Variants in HMCN1 observed in about 807,000 individuals in gnomAD.
The protein encoded by HMCN1 is hemicentin 1.
In HMCN1, 321 loss-of-function variants were observed where a neutral mutation model predicts 625.9. The observed-to-expected ratio is 0.51, with a 90% CI of 0.47 to 0.56. The LOEUF (loss-of-function observed/expected upper bound fraction) is 0.56. Among genes scored for constraint, HMCN1 ranks in the 20% least tolerant of loss-of-function variants. The pLI, the probability that HMCN1 is intolerant of heterozygous loss-of-function variation, is 0.00. For missense variants in HMCN1, 6,588 were observed against 6,887.3 expected (o/e 0.96, Z 1.54); for synonymous variants, 2,425 against 2,417.6 (o/e 1.00, Z -0.09).
chr1:185,916,049 T>A (rs1666681752), intron 6 of HMCN1, among the ~76,000 whole-genome samples: 1 of 149,290 alleles, frequency 6.7e-6, no homozygotes, highest in Non-Finnish European at 1.5e-5. Flanking sequence ...TATATGTGTG[T>A]GCATATGCGT....
chr1:185,847,408 T>G (rs1462681406), intron 2 of HMCN1, among the ~76,000 whole-genome samples: 1 of 152,182 alleles, frequency 6.6e-6, no homozygotes, highest in Admixed American at 6.6e-5. Context: ...ATTCCAAATC[T>G]TATTCACTCT....
intron 34 of HMCN1, among the ~76,000 whole-genome samples, chr1:186,018,622 G>A (rs1363306662): frequency 6.6e-6 from 1 of 151,980 alleles, no homozygotes; most frequent in Non-Finnish European, 1.5e-5. Context: ...GAATTTAAAC[G>A]TTAGGAAGTG....
intron 10 of HMCN1, 23 bp from the exon 11 acceptor site, chr1:185,933,526 T>G: frequency 1.9e-6 from 3 of 1,613,598 alleles, no homozygotes; most frequent in Non-Finnish European, 2.5e-6. Flanking sequence ...GTCTCTTGAT[T>G]TGAATTTTTT....
Position 186,081,282 on chromosome 1 carries a change from T to G in HMCN1, c.8675T>G (p.Ile2892Arg), listed in dbSNP as rs1484666446. ...VTVLVNKSAL[I>R]ECLSSGSPAP... is the part of the protein sequence containing the mutation. ...GTGCTGGTGAACAAGAGTGCACTGA[T>G]AGAGTGTTTATCCAGTGGCAGCCCA... The change falls in exon 56 of 107, where the codon ATA (isoleucine) becomes AGA (arginine). Residue 2892 changes from isoleucine to arginine, a missense_variant. Around this residue, in one of 3 missense-constraint regions of HMCN1, gnomAD observed 4,628 missense variants for 4,853.1 expected, o/e 0.95. Transcript: ENST00000271588. The G allele has an allele frequency of 6.2e-7, 1 of 1,613,136 alleles. No homozygotes were observed. The highest frequency in any genetic ancestry group is 8.5e-7 in the Non-Finnish European group (1 of 1,179,152).
chr1:185,995,152 A>C, intron 24 of HMCN1, 65 bp downstream of exon 24: 1 of 1,413,168 alleles, frequency 7.1e-7, no homozygotes, highest in South Asian at 1.2e-5. Flanking sequence ...CCCTAGAGCT[A>C]AATAGATTAT....
chr1:186,114,257 G>A, intron 73 of HMCN1, 134 bp downstream of exon 73: 1 of 978,954 alleles, frequency 1.0e-6, no homozygotes, highest in Non-Finnish European at 1.6e-6. Context: ...TCAAAATTTA[G>A]TATTTTATTA....
At chr1:185,939,015 A>T (rs1185198631) in intron 11 of HMCN1, among the ~76,000 whole-genome samples, 1 of 152,194 alleles carries the variant, frequency 6.6e-6, no homozygotes, top group South Asian at 2.1e-4. Context: ...TTCAGGAAAA[A>T]TACCAAACAT....
Position 185,977,975 on chromosome 1 carries a change from A to C in HMCN1, c.2560A>C (p.Ile854Leu). 3 of 1,607,898 alleles carry C rather than the reference A, an allele frequency of 1.9e-6. No individual in the cohort carries two copies. The highest frequency in any genetic ancestry group is 1.3e-5 in the African/African-American group (1 of 74,860). ...CCAACTAAGAACAGGAGCTCTCTTTATTTTAAGTAGGTTGAAGGAAATATA... is the reference window on the plus strand; with the variant it reads ...CCAACTAAGAACAGGAGCTCTCTTTCTTTTAAGTAGGTTGAAGGAAATATA... ...ISQLRTGALFILNLWASDKGT... is the reference protein window; with the variant it reads ...ISQLRTGALFLLNLWASDKGT... Residue 854 changes from isoleucine (I) to leucine (L), a missense_variant, in exon 16 of 107, where the codon ATT becomes CTT. Ile to Leu is a conservative substitution (Grantham distance 5). This residue lies in a region of HMCN1 where 4,628 missense variants were observed against 4,853.1 expected (regional missense o/e 0.95). Coordinates refer to ENST00000271588, the MANE Select transcript of HMCN1 (RefSeq NM_031935.3).
intron 1 of HMCN1, among the ~76,000 whole-genome samples, chr1:185,818,425 A>G (rs558870692): frequency 6.6e-6 from 1 of 152,240 alleles, no homozygotes; most frequent in South Asian, 2.1e-4. Flanking sequence ...ATTTGTATGA[A>G]TATTGGTTTC....
intron 49 of HMCN1, 58 bp downstream of exon 49, chr1:186,065,487 T>G: frequency 1.5e-6 from 2 of 1,329,538 alleles, no homozygotes; most frequent in Non-Finnish European, 2.0e-6. Flanking sequence ...AGGCTAAATT[T>G]TCTTTTCTTT....
chr1:185,988,979 G>A lies in HMCN1; in HGVS notation c.3049-509G>A, dbSNP rs188160674. 7.5e-4 allele frequency among the ~76,000 whole-genome samples: 114 copies of A among 151,112 alleles called. 1 individual carries two copies. The highest frequency in any genetic ancestry group is 4.2e-4 in the South Asian group (2 of 4,752). ...CTCTGGAATGAAAATGACATGATAT[G>A]GTATGGAGAAATATCACTTTTAGTA... is the stretch of plus-strand genomic sequence containing the variant. On this transcript the variant is annotated intron_variant, in intron 20 of 106. Coordinates refer to ENST00000271588, the MANE Select transcript of HMCN1 (RefSeq NM_031935.3).
At chr1:186,069,826 C>A in intron 51 of HMCN1, 50 bp downstream of exon 51, 1 of 1,184,142 alleles carries the variant, frequency 8.4e-7, no homozygotes, top group Non-Finnish European at 1.3e-6. Flanking sequence ...ATTTTTCTAA[C>A]TTTTTCAATC....
intron 43 of HMCN1, 31 bp from the exon 44 acceptor site, chr1:186,053,794 C>T (rs779931909): frequency 1.8e-5 from 29 of 1,609,900 alleles, no homozygotes; most frequent in Non-Finnish European, 2.1e-5. Context: ...ACATTTCTGC[C>T]TCATATTCTG....
chr1:186,188,524 A>G (rs1195066387), intron 106 of HMCN1, among the ~76,000 whole-genome samples: 6 of 152,198 alleles, frequency 3.9e-5, no homozygotes, highest in African/African-American at 1.4e-4. Flanking sequence ...GCTTTTCTGC[A>G]TTCTGAATAA....
At chr1:185,835,741 A>G (rs1383289433) in intron 1 of HMCN1, among the ~76,000 whole-genome samples, 1 of 150,136 alleles carries the variant, frequency 6.7e-6, no homozygotes, top group Non-Finnish European at 1.5e-5. Context: ...TATTTTAAAT[A>G]TTTCTTCTAT....
At chr1:185,773,002 C>T (rs1656348696) in intron 1 of HMCN1, among the ~76,000 whole-genome samples, 1 of 152,152 alleles carries the variant, frequency 6.6e-6, no homozygotes, top group Non-Finnish European at 1.5e-5. Context: ...CCAAAAGCCC[C>T]ACCTCCCAAC....
intron 77 of HMCN1, among the ~76,000 whole-genome samples, 189 bp from the exon 78 acceptor site, chr1:186,119,001 TA>T (rs1346883465): frequency 6.6e-6 from 1 of 152,210 alleles, no homozygotes; most frequent in African/African-American, 2.4e-5. Context: ...TTATGATATG[TA>T]AATTATGCCT....
chr1:185,948,600 T>A (rs866740863), intron 11 of HMCN1, among the ~76,000 whole-genome samples: 2 of 151,488 alleles, frequency 1.3e-5, no homozygotes, highest in Admixed American at 6.6e-5. Flanking sequence ...TGTGGTGGAA[T>A]GTCATCAGTT....
chr1:186,180,691 C>G (rs1032777811), intron 104 of HMCN1, among the ~76,000 whole-genome samples: 4 of 152,064 alleles, frequency 2.6e-5, no homozygotes, highest in Non-Finnish European at 5.9e-5. Flanking sequence ...TTTGAGGCAG[C>G]CACTCTTTCA....
Sources: allele counts gnomAD v4.1 joint callset (sites outside exome capture counted in the v4.1 genomes callset), GRCh38; gene constraint gnomAD v4.1.1; regional missense constraint gnomAD v4.1.1; transcripts MANE v1.5; gene names NCBI Gene and HGNC (gene_info 2026-07-23, HGNC 2026-07-21).